Variants in GCN1 observed in about 807,000 individuals in gnomAD.
The protein encoded by GCN1 is stalled ribosome sensor GCN1.
A neutral mutation model predicts 288.4 loss-of-function variants in GCN1; 90 were observed. The ratio of observed to expected loss-of-function variants is 0.31; its 90% CI spans 0.26 to 0.37. The LOEUF (loss-of-function observed/expected upper bound fraction) is 0.37. Ranked by LOEUF, GCN1 falls within the 10% of genes least tolerant of loss-of-function variation. The probability of loss-of-function intolerance (pLI) is 1.00; values close to 1 mark genes in which losing one functional copy is unlikely to be tolerated. For missense variants in GCN1, 2,586 were observed against 3,419.9 expected (o/e 0.76, Z 6.08); for synonymous variants, 1,386 against 1,420.2 (o/e 0.98, Z 0.54).
Position 120,173,785 on chromosome 12 carries a change from G to A in GCN1, c.1234C>T (p.Leu412Phe). 6.2e-7 allele frequency: 1 copy of A among 1,614,036 alleles called. No individual in the cohort carries two copies. The highest frequency in any genetic ancestry group is 8.5e-7 in the Non-Finnish European group (1 of 1,179,888). Residue 412 changes from leucine to phenylalanine, a missense_variant, in exon 14 of 58, where the codon CTC becomes TTC. This residue lies in a region of GCN1 where 913 missense variants were observed against 1,107.0 expected (regional missense o/e 0.82). Transcript: ENST00000300648. ...TLVHAVSVLA[L>F]WCNRFTMEVP... is the part of the protein sequence containing the mutation. ...TCCATAGTGAATCGGTTACACCAGAGAGCCAGGACTGAGACAGCGTGTACC... is the reference window on the plus strand; with the variant it reads ...TCCATAGTGAATCGGTTACACCAGAAAGCCAGGACTGAGACAGCGTGTACC...
intron 51 of GCN1, among the ~76,000 whole-genome samples, chr12:120,135,585 A>C (rs559870576): frequency 1.1e-3 from 174 of 151,536 alleles, no homozygotes; most frequent in Non-Finnish European, 1.9e-3. Flanking sequence ...CTGGTCTCGA[A>C]CTCCCGACCT....
In GCN1 at chr12:120,164,445, A is replaced by G. The variant is rs1238477727; in HGVS notation, c.1739T>C (p.Val580Ala). ...AACTGTCTGCTGAGCCTGCCTGCGGACGTGCCAGGTGCGGCTCAGGAGCAC... is the reference window on the plus strand; with the variant it reads ...AACTGTCTGCTGAGCCTGCCTGCGGGCGTGCCAGGTGCGGCTCAGGAGCAC... The part of the protein sequence containing the change: ...VAVLLSRTWH[V>A]RRQAQQTVRK... The change falls in exon 18 of 58, where the codon GTC becomes GCC. Residue 580 changes from valine to alanine, a missense_variant. By Grantham distance (64) the Val-to-Ala change is moderately conservative (BLOSUM62 0). Coordinates refer to ENST00000300648, the MANE Select transcript of GCN1 (RefSeq NM_006836.2). 6.2e-7 allele frequency: 1 copy of G among 1,614,054 alleles called. No individual in the cohort carries two copies. Among genetic ancestry groups the G allele is most frequent in the Non-Finnish European group, 8.5e-7 (1 of 1,180,036 alleles).
At chr12:120,169,388 C>T (rs941498065) in intron 15 of GCN1, among the ~76,000 whole-genome samples, 2 of 147,314 alleles carry the variant, frequency 1.4e-5, no homozygotes, top group Non-Finnish European at 3.0e-5. Flanking sequence ...GGAATCATTT[C>T]GAAGATATAT....
At position 120,127,268 on chromosome 12, in the gene GCN1, T is replaced by C. The variant is rs191770592; in HGVS notation, c.*581A>G. On this transcript the variant is annotated 3_prime_UTR_variant, in exon 58 of 58. Transcript: ENST00000300648. ...GGAGATTTTTAAAAATCTGTTTATA[T>C]CAAGATTAAATCAAAGCCTTTATTA... The C allele has an allele frequency of 6.5e-6, 1 of 152,780 alleles. No homozygotes were observed. Among genetic ancestry groups the C allele is most frequent in the East Asian group, 1.9e-4 (1 of 5,186 alleles). The allele number at this position is 152,780 out of a possible 1,614,324, so 9.5% of individuals were successfully genotyped here.
chr12:120,154,649 G>A (rs574308070), intron 31 of GCN1, among the ~76,000 whole-genome samples: 16 of 152,362 alleles, frequency 1.1e-4, no homozygotes, highest in Admixed American at 7.2e-4. Context: ...CACGCAGCTA[G>A]TGCAGGAGAG....
intron 38 of GCN1, among the ~76,000 whole-genome samples, chr12:120,146,277 A>AG (rs1413156134): frequency 6.6e-6 from 1 of 151,992 alleles, no homozygotes; most frequent in African/African-American, 2.4e-5. Flanking sequence ...AAAAAAAAAA[A>AG]AAAAAAATTA....
intron 38 of GCN1, among the ~76,000 whole-genome samples, chr12:120,146,037 C>T (rs894754800): frequency 5.3e-5 from 8 of 152,106 alleles, no homozygotes; most frequent in Non-Finnish European, 8.8e-5. Context: ...GAAGTCGAGG[C>T]GGGTGGATCA....
At chr12:120,128,527 G>T (rs1055574910) in intron 57 of GCN1, among the ~76,000 whole-genome samples, 8 of 151,892 alleles carry the variant, frequency 5.3e-5, no homozygotes, top group African/African-American at 1.9e-4. Context: ...GTAGAGACGG[G>T]GTTTCTCCAT....
chr12:120,146,952 G>A (rs1038622018), intron 38 of GCN1, 100 bp downstream of exon 38: 27 of 635,410 alleles, frequency 4.2e-5, no homozygotes, highest in Non-Finnish European at 6.4e-5. Context: ...AGGGACTAAC[G>A]TCCATAACTT....
chr12:120,173,695 C>A lies in GCN1; in HGVS notation c.1324G>T (p.Val442Leu). 2 of 1,613,060 alleles carry A rather than the reference C, an allele frequency of 1.2e-6. No individual in the cohort carries two copies. The highest frequency in any genetic ancestry group is 8.5e-7 in the Non-Finnish European group (1 of 1,178,970). ...ATGCACTGCAGGTAGGCATGCCTCA[C>A]CGCAGATGTGGAGGTTTTAAGGCTG... ...AFSLKTSTSA[V>L]RHAYLQCMLA... The change falls in exon 14 of 58, where the codon GTG becomes TTG. Residue 442 changes from valine (V) to leucine (L), a missense_variant. By Grantham distance (32) the Val-to-Leu change is conservative. Coordinates refer to ENST00000300648, the MANE Select transcript of GCN1 (RefSeq NM_006836.2).
At chr12:120,131,447 G>C in intron 54 of GCN1, 114 bp from the exon 55 acceptor site, 1 of 994,590 alleles carries the variant, frequency 1.0e-6, no homozygotes, top group South Asian at 1.5e-5. Context: ...AGAGCACAAG[G>C]AAAACTCCAG....
intron 34 of GCN1, among the ~76,000 whole-genome samples, chr12:120,150,703 T>C (rs1024760866): frequency 7.9e-5 from 12 of 152,214 alleles, no homozygotes; most frequent in African/African-American, 2.6e-4. Flanking sequence ...TTTGGGAGGC[T>C]GAGGCGGACA....
At chr12:120,136,876 C>T (rs1007840565) in intron 50 of GCN1, 144 bp from the exon 51 acceptor site, 29 of 659,700 alleles carry the variant, frequency 4.4e-5, no homozygotes, top group African/African-American at 1.1e-4. Flanking sequence ...GGATCACAGC[C>T]TGAGAGGGCT....
In GCN1 at chr12:120,142,461, G is replaced by A. The variant is rs752090227; in HGVS notation, c.5829+46C>T. The A allele has an allele frequency of 1.4e-6, 2 of 1,418,474 alleles. No individual in the cohort carries two copies. The highest frequency in any genetic ancestry group is 2.3e-5 in the South Asian group (2 of 86,848). The allele number at this position is 1,418,474 out of a possible 1,614,324, so 87.9% of individuals were successfully genotyped here. ...AGACCCAGCCTTCTAGGCTCTGAAAGGAGGCACTGGGGCTGCTGGTCCAAA... is the reference window on the plus strand; with the variant it reads ...AGACCCAGCCTTCTAGGCTCTGAAAAGAGGCACTGGGGCTGCTGGTCCAAA... On this transcript the variant is annotated intron_variant, in intron 44 of 57. Coordinates refer to ENST00000300648, the MANE Select transcript of GCN1 (RefSeq NM_006836.2). The surrounding 1 kb of genome is among the most constrained non-coding windows in gnomAD (Gnocchi z 4.9).
In GCN1 at chr12:120,175,880, C is replaced by G; in HGVS notation, c.914-6G>C. On this transcript the variant is annotated splice_region_variant and splice_polypyrimidine_tract_variant and intron_variant, in intron 10 of 57. Coordinates refer to ENST00000300648, the MANE Select transcript of GCN1 (RefSeq NM_006836.2). ...ACTGTTGGATTTCAGGTGACCTGCA[C>G]ACACAAAGCCACTGCTCAGAAGCAG... 6.3e-7 allele frequency: 1 copy of G among 1,598,994 alleles called. No individual in the cohort carries two copies. Among genetic ancestry groups the G allele is most frequent in the Non-Finnish European group, 8.5e-7 (1 of 1,175,440 alleles).
Position 120,144,387 on chromosome 12 carries a change from A to T in GCN1, c.5414T>A (p.Ile1805Asn). 3.1e-6 allele frequency: 5 copies of T among 1,614,222 alleles called. No homozygotes were observed. The highest frequency in any genetic ancestry group is 4.2e-6 in the Non-Finnish European group (5 of 1,180,000). ...GATGGCTGTCTCAGCGTACATGGAG[A>T]TAACCCGCTGGCCCGCGCGCAGGGC... The part of the protein sequence containing the change: ...DTALRAGQRV[I>N]SMYAETAIAL... Residue 1805 changes from isoleucine (I) to asparagine (N), a missense_variant, in exon 42 of 58, where the codon ATC becomes AAC. By Grantham distance (149) the Ile-to-Asn change is moderately radical. Coordinates refer to ENST00000300648, the MANE Select transcript of GCN1 (RefSeq NM_006836.2). This position sits in a 1 kb window ranked among gnomAD's most constrained non-coding sequence, Gnocchi z 4.7.
At position 120,168,189 on chromosome 12, in the gene GCN1, T is replaced by G. The variant is rs371100169; in HGVS notation, c.1612+19A>C. ...ACTTTGCCTCAATCCCGAGTTCAAC[T>G]AAGCATGGAGTAACTTACCATCCTC... is the stretch of plus-strand genomic sequence containing the variant. On this transcript the variant is annotated intron_variant, in intron 16 of 57. Transcript: ENST00000300648. 3.2e-5 allele frequency: 44 copies of G among 1,383,678 alleles called. No individual in the cohort carries two copies. The African/African-American group carries it at 6.0e-4, about 19-fold the overall frequency. 85.7% of individuals were successfully genotyped at this position (1,383,678 alleles called of 1,614,324 possible).
At position 120,158,730 on chromosome 12, in the gene GCN1, C is replaced by T. The variant is rs764139593; in HGVS notation, c.2750-115G>A. 6.6e-5 allele frequency: 60 copies of T among 902,670 alleles called. No homozygotes were observed. The highest frequency in any genetic ancestry group is 1.4e-4 in the African/African-American group (8 of 59,222). The allele number at this position is 902,670 out of a possible 1,614,324, so 55.9% of individuals were successfully genotyped here. A position where few individuals can be genotyped will look rare whatever the true frequency, so the allele number is the denominator to read the frequency against. Reference sequence around the variant, plus strand: ...CTTCTGACTTAAAAAAATATTTCTGCGGCTGGGCGCGGTGGCTGATGCCTG... The same window carrying T: ...CTTCTGACTTAAAAAAATATTTCTGTGGCTGGGCGCGGTGGCTGATGCCTG... On this transcript the variant is annotated intron_variant, in intron 24 of 57. Transcript: ENST00000300648. This position sits in a 1 kb window ranked among gnomAD's most constrained non-coding sequence, Gnocchi z 4.3.
intron 26 of GCN1, among the ~76,000 whole-genome samples, chr12:120,157,554 G>A (rs937680011): frequency 6.6e-6 from 1 of 152,228 alleles, no homozygotes; most frequent in African/African-American, 2.4e-5. Flanking sequence ...CAGGTAAAGA[G>A]TTAAGTAAAA....
Sources: gnomAD v4.1 joint callset for allele counts (sites outside exome capture counted in the v4.1 genomes callset) on GRCh38, gnomAD v4.1.1 for gene constraint, gnomAD v4.1.1 regional missense constraint, Gnocchi (gnomAD v3.1) non-coding constraint, MANE v1.5 for transcripts, NCBI Gene and HGNC (gene_info 2026-07-23, HGNC 2026-07-21) for gene names.